DDX55: variants seen among roughly 807,000 people sequenced by gnomAD.
The protein encoded by DDX55 is DEAD-box helicase 55.
Under a neutral mutation model 69.2 loss-of-function variants are expected in DDX55, and 56 were observed. The ratio of observed to expected loss-of-function variants is 0.81; its 90% CI spans 0.65 to 1.01. The LOEUF (loss-of-function observed/expected upper bound fraction) is 1.01, where lower values mean the gene tolerates loss of function less well. Ranked by LOEUF, DDX55 falls within the 50% of genes least tolerant of loss-of-function variation. DDX55 has a pLI of 0.00. For missense variants in DDX55, 720 were observed against 745.1 expected, an observed-to-expected ratio of 0.97 and a Z score of 0.39; for synonymous variants, 268 against 273.1, an observed-to-expected ratio of 0.98 and a Z score of 0.18.
Position 123,618,688 on chromosome 12 carries a change from A to G in DDX55, c.1184A>G (p.Lys395Arg). ...GTGTAGTGCCCCCTGCAGGAGATGA[A>G]GCCCCAGAGAAACACAGCGGACCTT... ...INQKCPLQEM[K>R]PQRNTADLLP... is the part of the protein sequence containing the mutation. The change falls in exon 12 of 14, where the codon AAG becomes AGG. Residue 395 changes from lysine (K) to arginine (R), a missense_variant. Transcript: ENST00000238146. The G allele has an allele frequency of 1.2e-6, 2 of 1,614,044 alleles. No homozygotes were observed. The highest frequency in any genetic ancestry group is 1.7e-6 in the Non-Finnish European group (2 of 1,179,988).
intron 12 of DDX55, among the ~76,000 whole-genome samples, chr12:123,619,064 G>A (rs756930953): frequency 5.9e-5 from 9 of 152,228 alleles, no homozygotes; most frequent in Non-Finnish European, 1.0e-4. Context: ...GCGCAGTGGC[G>A]CGATCTCGGC....
At position 123,604,203 on chromosome 12, in the gene DDX55, T is replaced by C. The variant is rs376124848; in HGVS notation, c.109-1728T>C. 3.3e-5 allele frequency among the ~76,000 whole-genome samples: 5 copies of C among 152,144 alleles called. No homozygotes were observed. The East Asian group carries it at 5.8e-4, about 18-fold the overall frequency. ...GGGAGGATCCCTTGAGCCCAGGAGT[T>C]CAAGACCAGCCTGAGCAACATAGTG... is the stretch of plus-strand genomic sequence containing the variant. On this transcript the variant is annotated intron_variant, in intron 1 of 13. Transcript: ENST00000238146.
At chr12:123,616,913 G>T in intron 10 of DDX55, 1 of 309,130 alleles carries the variant, frequency 3.2e-6, no homozygotes, top group Non-Finnish European at 6.2e-6. Context: ...CAGCACTTTG[G>T]GGAGGCCGAG....
chr12:123,607,590 C>G lies in DDX55; in HGVS notation c.339-10C>G, dbSNP rs1055310603. The G allele has an allele frequency of 1.9e-6, 3 of 1,614,016 alleles. No individual in the cohort carries two copies. Among genetic ancestry groups the G allele is most frequent in the Non-Finnish European group, 2.5e-6 (3 of 1,180,052 alleles). The stretch of plus-strand genomic sequence containing the variant: ...GTCGAACTTAATCAAAGGCTGTTTT[C>G]TTGTTGTAGCCAGATTCTTTGGATC... On this transcript the variant is annotated splice_polypyrimidine_tract_variant and intron_variant, in intron 4 of 13. Coordinates refer to ENST00000238146, the MANE Select transcript of DDX55 (RefSeq NM_020936.3).
In DDX55 at chr12:123,610,137, C is replaced by T. The variant is rs780383068; in HGVS notation, c.741+9C>T. 1.2e-6 allele frequency: 2 copies of T among 1,609,302 alleles called. No individual in the cohort carries two copies. Among genetic ancestry groups the T allele is most frequent in the South Asian group, 2.2e-5 (2 of 90,454 alleles). ...TGGAAAACTACTACATGGTAAGCGC[C>T]TGGGCTTGCTTCTTACTCAGCGATA... is the stretch of plus-strand genomic sequence containing the variant. On this transcript the variant is annotated intron_variant, in intron 7 of 13. Transcript: ENST00000238146.
At chr12:123,607,374 G>A (rs1953954452) in intron 3 of DDX55, 58 bp from the exon 4 acceptor site, 4 of 1,590,048 alleles carry the variant, frequency 2.5e-6, no homozygotes, top group Non-Finnish European at 3.4e-6. Flanking sequence ...GGGCCTATGA[G>A]TTCCTCTCTG....
intron 7 of DDX55, among the ~76,000 whole-genome samples, chr12:123,610,904 G>GT (rs1257621466): frequency 3.8e-4 from 44 of 115,632 alleles, no homozygotes; most frequent in Non-Finnish European, 5.9e-4. Flanking sequence ...TTTTTTGTTT[G>GT]TTTTTTTTTG....
intron 7 of DDX55, among the ~76,000 whole-genome samples, chr12:123,612,875 A>AGAT (rs1954367303): frequency 6.6e-6 from 1 of 151,612 alleles, no homozygotes; most frequent in Non-Finnish European, 1.5e-5. Context: ...TCTACCCTGG[A>AGAT]GATGGTGTAA....
In DDX55 at chr12:123,605,871, G is replaced by A. The variant is rs749913805; in HGVS notation, c.109-60G>A. On this transcript the variant is annotated intron_variant, in intron 1 of 13. Transcript: ENST00000238146. ...CTGCCCATTATGTTCCTAGGGCTTC[G>A]GGTCTCACCTGTGAATTGATGGCAT... 75 of 1,611,430 alleles carry A rather than the reference G, an allele frequency of 4.7e-5. No individual in the cohort carries two copies. The highest frequency in any genetic ancestry group is 1.6e-4 in the Middle Eastern group (1 of 6,076).
rs773084082 is a variant in DDX55, at chr12:123,615,213, A to G, written c.853A>G (p.Lys285Glu). ...STCACVEYYG[K>E]ALEVLVKGVK... ...CTGTGCCTGTGTGGAATACTATGGG[A>G]AGGCTCTGGAAGTGCTGGTGAAGGG... Residue 285 changes from lysine to glutamate, a missense_variant, in exon 9 of 14, where the codon AAG (lysine) becomes GAG (glutamate). Physicochemically the swap from Lys to Glu is moderately conservative, Grantham distance 56. Coordinates refer to ENST00000238146, the MANE Select transcript of DDX55 (RefSeq NM_020936.3). The G allele has an allele frequency of 1.9e-5, 31 of 1,613,980 alleles. No individual in the cohort carries two copies. Among genetic ancestry groups the G allele is most frequent in the Non-Finnish European group, 2.5e-5 (29 of 1,179,988 alleles).
intron 11 of DDX55, chr12:123,618,170 C>T: frequency 5.1e-6 from 2 of 392,654 alleles, no homozygotes; most frequent in South Asian, 2.1e-5. Context: ...GCATGCGCCA[C>T]CCCAGCTAAT....
intron 7 of DDX55, among the ~76,000 whole-genome samples, chr12:123,611,270 G>C (rs905954649): frequency 1.3e-5 from 2 of 152,222 alleles, no homozygotes; most frequent in African/African-American, 4.8e-5. Flanking sequence ...GAAGTAGATG[G>C]GCTTTTGGCA....
At position 123,620,414 on chromosome 12, in the gene DDX55, T is replaced by G. The variant is rs905713204; in HGVS notation, c.*274T>G. On this transcript the variant is annotated 3_prime_UTR_variant, in exon 14 of 14. Coordinates refer to ENST00000238146, the MANE Select transcript of DDX55 (RefSeq NM_020936.3). ...CAGGAGGATCACTTGAGCCCAGGAGTTCAAGACCAGCCTGGGAACACAGCG... is the reference window on the plus strand; with the variant it reads ...CAGGAGGATCACTTGAGCCCAGGAGGTCAAGACCAGCCTGGGAACACAGCG... 8.4e-6 allele frequency: 2 copies of G among 238,254 alleles called. No homozygotes were observed. Among genetic ancestry groups the G allele is most frequent in the Non-Finnish European group, 1.6e-5 (2 of 123,358 alleles). The allele number at this position is 238,254 out of a possible 1,614,324, so 14.8% of individuals were successfully genotyped here. A position where few individuals can be genotyped will look rare whatever the true frequency, so the allele number is the denominator to read the frequency against.
In DDX55 at chr12:123,602,261, C is replaced by T. The variant is rs993975660; in HGVS notation, c.108+5C>T. 11 of 1,552,334 alleles carry T rather than the reference C, an allele frequency of 7.1e-6. No homozygotes were observed. The highest frequency in any genetic ancestry group is 9.6e-6 in the Non-Finnish European group (11 of 1,151,664). On this transcript the variant is annotated splice_donor_5th_base_variant and intron_variant, in intron 1 of 13. Coordinates refer to ENST00000238146, the MANE Select transcript of DDX55 (RefSeq NM_020936.3). ...CCGTACATGACGCCGGTGCAGGTATCGGTTCCCTGGCGTGGGGGAGTGAGG... is the reference window on the plus strand; with the variant it reads ...CCGTACATGACGCCGGTGCAGGTATTGGTTCCCTGGCGTGGGGGAGTGAGG...
At chr12:123,605,801 G>A in intron 1 of DDX55, 130 bp from the exon 2 acceptor site, 1 of 1,201,334 alleles carries the variant, frequency 8.3e-7, no homozygotes, top group Non-Finnish European at 1.2e-6. Context: ...ATGGTGACTT[G>A]GTTACTCAGA....
chr12:123,619,936 G>A (rs746133242), intron 13 of DDX55, 28 bp from the exon 14 acceptor site: 3 of 1,591,600 alleles, frequency 1.9e-6, no homozygotes, highest in Non-Finnish European at 2.6e-6. Flanking sequence ...GAAAAATTTA[G>A]TAGTTTATTG....
chr12:123,618,070 G>A (rs1339414650), intron 11 of DDX55, 198 bp downstream of exon 11: 1 of 522,802 alleles, frequency 1.9e-6, no homozygotes, highest in Non-Finnish European at 3.4e-6. Context: ...AGGCTGGAGT[G>A]CAATGGCACT....
intron 8 of DDX55, among the ~76,000 whole-genome samples, chr12:123,614,373 T>C (rs1954497529): frequency 6.6e-6 from 1 of 152,210 alleles, no homozygotes; most frequent in Non-Finnish European, 1.5e-5. Flanking sequence ...TGGAATGCAG[T>C]AGTGCAGTAG....
chr12:123,617,980 C>T, intron 11 of DDX55, 108 bp downstream of exon 11: 3 of 1,019,152 alleles, frequency 2.9e-6, no homozygotes, highest in Non-Finnish European at 4.5e-6. Flanking sequence ...CTCACTGGGG[C>T]TGGGCTGGTG....
Sources: allele counts gnomAD v4.1 joint callset (sites outside exome capture counted in the v4.1 genomes callset), GRCh38; gene constraint gnomAD v4.1.1; transcripts MANE v1.5; gene names NCBI Gene and HGNC (gene_info 2026-07-23, HGNC 2026-07-21).